PTPRA: variants seen among roughly 807,000 people sequenced by gnomAD.
The protein encoded by PTPRA is receptor-type tyrosine-protein phosphatase alpha.
A neutral mutation model predicts 104.8 loss-of-function variants in PTPRA; 25 were observed. That is an observed-to-expected ratio of 0.24 (90% confidence interval 0.17 to 0.33). The LOEUF (loss-of-function observed/expected upper bound fraction) is 0.33. PTPRA is among the 10% of genes least tolerant of loss of function. The probability of loss-of-function intolerance (pLI) is 1.00; values close to 1 mark genes in which losing one functional copy is unlikely to be tolerated. For synonymous variants in PTPRA, 323 were observed against 368.9 expected (o/e 0.88, Z 1.43); for missense variants, 765 against 1,015.3 (o/e 0.75, Z 3.35).
chr20:3,027,146 A>G lies in PTPRA; in HGVS notation c.1734A>G (p.Pro578=), dbSNP rs750487229. 1.2e-6 allele frequency: 2 copies of G among 1,614,168 alleles called. No individual in the cohort carries two copies. The highest frequency in any genetic ancestry group is 4.5e-5 in the East Asian group (2 of 44,880). The change falls in exon 19 of 24, where the codon CCA becomes CCG. Residue 578 remains proline, a synonymous_variant. Coordinates refer to ENST00000399903, the MANE Select transcript of PTPRA (RefSeq NM_001385305.1). ...ATGAATTCAACAGAGTGATCATTCC[A>G]GTTAAGCGGGGCGAAGAGAATACAG... ...IPYEFNRVII[P]VKRGEENTDY... is the part of the protein sequence containing the mutation.
intron 22 of PTPRA, among the ~76,000 whole-genome samples, 186 bp downstream of exon 22, chr20:3,036,127 G>A (rs982656093): frequency 6.6e-6 from 1 of 152,192 alleles, no homozygotes; most frequent in Non-Finnish European, 1.5e-5. Context: ...GCTTGAACTT[G>A]GCACAATAAG....
intron 1 of PTPRA, among the ~76,000 whole-genome samples, chr20:2,910,577 A>AGTTTTTTTTTT (rs1243754294): frequency 7.8e-5 from 3 of 38,378 alleles, no homozygotes; most frequent in Non-Finnish European, 1.4e-4. Context: ...ATGCCCAGCT[A>AGTTTTTTTTTT]GTTTTTTTTT....
chr20:2,933,071 C>T (rs1322727543), intron 2 of PTPRA, among the ~76,000 whole-genome samples: 2 of 152,096 alleles, frequency 1.3e-5, no homozygotes, highest in Non-Finnish European at 2.9e-5. Flanking sequence ...GACTAAGTCC[C>T]AAATCAGTAG....
In PTPRA at chr20:3,007,209, T is replaced by C. The variant is rs116943207; in HGVS notation, c.830-135T>C. The C allele has an allele frequency of 3.3e-3, 2,511 of 763,650 alleles. 31 individuals carry two copies. Among genetic ancestry groups the C allele is most frequent in the South Asian group, 0.02 (1,082 of 52,860 alleles). The allele number at this position is 763,650 out of a possible 1,614,324, so 47.3% of individuals were successfully genotyped here. On this transcript the variant is annotated intron_variant, in intron 10 of 23. Transcript: ENST00000399903. ...TTTTGCTGTTATACTGTTGGAGTTA[T>C]ATTGTTGGAGTGGCATCTTTATACA...
chr20:2,889,201 C>G (rs1356657189), intron 1 of PTPRA, among the ~76,000 whole-genome samples: 1 of 152,026 alleles, frequency 6.6e-6, no homozygotes, highest in African/African-American at 2.4e-5. Context: ...TTCTTTTAGT[C>G]TTGTTATTGT....
In PTPRA at chr20:2,883,667, A is replaced by G. The variant is rs1303144173; in HGVS notation, c.-129+9907A>G. Among the ~76,000 whole-genome samples, 4 of 22,680 alleles carry G rather than the reference A, an allele frequency of 1.8e-4. 1 individual carries two copies. The highest frequency in any genetic ancestry group is 2.5e-4 in the Non-Finnish European group (4 of 16,160). 14.9% of individuals were successfully genotyped at this position (22,680 alleles called of 152,430 possible). On this transcript the variant is annotated intron_variant, in intron 1 of 23. Coordinates refer to ENST00000399903, the MANE Select transcript of PTPRA (RefSeq NM_001385305.1). ...ACTCCGTCTCAAAAAAAAAAAAAAA[A>G]AAAAAAAAAAAGAAAGAAATGTGCA...
intron 6 of PTPRA, among the ~76,000 whole-genome samples, chr20:2,984,650 A>G (rs1270779523): frequency 6.6e-6 from 1 of 152,166 alleles, no homozygotes; most frequent in African/African-American, 2.4e-5. Flanking sequence ...GTTTCTCATC[A>G]CACTCAGAAT....
chr20:2,979,515 T>C (rs529157879), intron 6 of PTPRA, among the ~76,000 whole-genome samples: 1 of 152,308 alleles, frequency 6.6e-6, no homozygotes, highest in South Asian at 2.1e-4. Context: ...AGTTCTCCTA[T>C]TTAGCCTTTC....
At chr20:2,905,581 G>A (rs1159176301) in intron 1 of PTPRA, among the ~76,000 whole-genome samples, 1 of 151,070 alleles carries the variant, frequency 6.6e-6, no homozygotes, top group Admixed American at 6.6e-5. Flanking sequence ...TGTAGATCTT[G>A]AACAAATTGG....
chr20:2,912,955 C>T (rs2059776999), intron 1 of PTPRA, among the ~76,000 whole-genome samples: 1 of 152,090 alleles, frequency 6.6e-6, no homozygotes, highest in South Asian at 2.1e-4. Flanking sequence ...GTCGTAATTG[C>T]ATTTTGTTTT....
intron 11 of PTPRA, among the ~76,000 whole-genome samples, chr20:3,013,378 C>T (rs754469596): frequency 6.6e-6 from 1 of 151,954 alleles, no homozygotes; most frequent in Non-Finnish European, 1.5e-5. Context: ...TAGGAGAAAC[C>T]AGTTTCCTTA....
intron 17 of PTPRA, among the ~76,000 whole-genome samples, chr20:3,025,322 A>G (rs1175102940): frequency 6.6e-6 from 1 of 152,014 alleles, no homozygotes; most frequent in African/African-American, 2.4e-5. Flanking sequence ...GCATGATGGC[A>G]CATGCCTGTA....
chr20:2,906,856 T>G (rs2147162773), intron 1 of PTPRA, among the ~76,000 whole-genome samples: 1 of 152,308 alleles, frequency 6.6e-6, no homozygotes, highest in East Asian at 1.9e-4. Flanking sequence ...CTTATAACAT[T>G]TACCTTTTAG....
the PTPRA span, among the ~76,000 whole-genome samples, chr20:2,864,823 A>C: frequency 6.6e-6 from 1 of 152,128 alleles, no homozygotes; most frequent in Non-Finnish European, 1.5e-5. The surrounding 1 kb of genome is among the most constrained non-coding windows in gnomAD (Gnocchi z 5.2). Context: ...CAGAGGAGCT[A>C]GCCATCCCTC....
chr20:3,017,940 G>A (rs2064550624), intron 13 of PTPRA, 27 bp downstream of exon 13: 1 of 1,573,954 alleles, frequency 6.4e-7, no homozygotes, highest in Non-Finnish European at 8.7e-7. Context: ...GATGTGAACA[G>A]CAGAAGGATC....
Position 3,011,079 on chromosome 20 carries a change from G to A in PTPRA, c.906+3659G>A, listed in dbSNP as rs193207934. Among the ~76,000 whole-genome samples, 836 of 152,340 alleles carry A rather than the reference G, an allele frequency of 5.5e-3. 3 individuals are homozygous for A. The highest frequency in any genetic ancestry group is 9.3e-3 in the Non-Finnish European group (632 of 68,042). On this transcript the variant is annotated intron_variant, in intron 11 of 23. Coordinates refer to ENST00000399903, the MANE Select transcript of PTPRA (RefSeq NM_001385305.1). ...AGATGGGGATCTCTTCATGGTAATG[G>A]CACAGTAGAAAGAAACAGCCTTATC...
At chr20:3,030,892 C>T (rs532088122) in intron 20 of PTPRA, among the ~76,000 whole-genome samples, 3 of 152,106 alleles carry the variant, frequency 2.0e-5, no homozygotes, top group African/African-American at 7.2e-5. Flanking sequence ...GTTGGCCATG[C>T]TGGTCTCAAA....
chr20:2,976,067 A>G (rs1234648570), intron 6 of PTPRA, among the ~76,000 whole-genome samples: 1 of 152,228 alleles, frequency 6.6e-6, no homozygotes, highest in East Asian at 1.9e-4. Flanking sequence ...CATTTGAGTC[A>G]GAAAAGTGGG....
intron 1 of PTPRA, among the ~76,000 whole-genome samples, chr20:2,880,218 G>A (rs974143283): frequency 4.6e-5 from 7 of 152,206 alleles, no homozygotes; most frequent in Admixed American, 1.3e-4. Context: ...TTTTCAAATT[G>A]AGGTAGATAA....
Sources: allele counts gnomAD v4.1 joint callset (sites outside exome capture counted in the v4.1 genomes callset), GRCh38; gene constraint gnomAD v4.1.1; non-coding constraint Gnocchi (gnomAD v3.1); transcripts MANE v1.5; gene names NCBI Gene and HGNC (gene_info 2026-07-23, HGNC 2026-07-21).